The following ADAMTSL1 variants were observed in gnomAD, a reference collection of about 807,000 sequenced individuals.
The protein encoded by ADAMTSL1 is ADAMTS like 1.
ADAMTSL1 carries 126 observed loss-of-function variants against 201.8 expected under a neutral mutation model. That is an observed-to-expected ratio of 0.62 (90% CI 0.54 to 0.72). The LOEUF (loss-of-function observed/expected upper bound fraction) is 0.72, where lower values mean the gene tolerates loss of function less well. Among genes scored for constraint, ADAMTSL1 ranks in the 30% least tolerant of loss-of-function variants. ADAMTSL1 has a pLI of 0.00. For synonymous variants in ADAMTSL1, 1,121 were observed against 903.4 expected (o/e 1.24, Z -4.32); for missense variants, 2,679 against 2,277.8 (o/e 1.18, Z -3.59).
At chr9:17,974,141 A>G (rs2811813) in intron 1 of ADAMTSL1, among the ~76,000 whole-genome samples, 122,313 of 151,872 alleles carry the variant, frequency 0.81, 49,623 homozygotes, top group East Asian at 0.93. Flanking sequence ...CCAATATCAT[A>G]CTGAATGGGC....
At chr9:17,934,902 TAAAAAAAAAA>T (rs59536452) in intron 1 of ADAMTSL1, among the ~76,000 whole-genome samples, 4 of 143,716 alleles carry the variant, frequency 2.8e-5, no homozygotes, top group Non-Finnish European at 4.5e-5. Flanking sequence ...CTATTTCCTT[TAAAAAAAAAA>T]AAAAAAAAAC....
intron 13 of ADAMTSL1, among the ~76,000 whole-genome samples, chr9:18,696,263 C>T (rs991645965): frequency 6.6e-6 from 1 of 152,170 alleles, no homozygotes; most frequent in Non-Finnish European, 1.5e-5. Flanking sequence ...GGGAGTTATT[C>T]CAAACAAAGA....
chr9:18,671,655 G>A (rs1334780184), intron 9 of ADAMTSL1, among the ~76,000 whole-genome samples: 1 of 152,156 alleles, frequency 6.6e-6, no homozygotes. Context: ...CAGAAACGAA[G>A]ATTTGCAGTT....
intron 2 of ADAMTSL1, among the ~76,000 whole-genome samples, chr9:18,236,227 C>T (rs1015955660): frequency 1.3e-5 from 2 of 152,110 alleles, no homozygotes; most frequent in South Asian, 2.1e-4. Context: ...CCCACCACCA[C>T]GCCCGACTAA....
intron 3 of ADAMTSL1, among the ~76,000 whole-genome samples, chr9:18,544,940 T>C (rs1254157395): frequency 2.0e-5 from 3 of 152,090 alleles, no homozygotes; most frequent in Admixed American, 2.0e-4. Context: ...TTCCACAGGG[T>C]TGAAAATTAT....
At chr9:18,702,157 C>T (rs1036402029) in intron 13 of ADAMTSL1, among the ~76,000 whole-genome samples, 6 of 152,132 alleles carry the variant, frequency 3.9e-5, no homozygotes, top group African/African-American at 1.2e-4. Context: ...AGGAAAGACC[C>T]GCCCCCATGA....
rs144833750 is a variant in ADAMTSL1 at position 18,617,503 on chromosome 9, G to T, written c.475-4740G>T. Among the ~76,000 whole-genome samples the T allele has an allele frequency of 7.1e-3, 1,077 of 151,416 alleles. 10 individuals carry two copies. Among genetic ancestry groups the T allele is most frequent in the African/African-American group, 0.023 (962 of 41,252 alleles). On this transcript the variant is annotated intron_variant, in intron 4 of 28. Transcript: ENST00000380548. ...CCTAGTTTATTTTTTTTTTTGGCAG[G>T]GGGGAGGGGGCTGGGTCGGGGGGCA... is the stretch of plus-strand genomic sequence containing the variant.
At chr9:18,353,619 C>T (rs771364656) in intron 2 of ADAMTSL1, among the ~76,000 whole-genome samples, 8 of 152,100 alleles carry the variant, frequency 5.3e-5, no homozygotes, top group African/African-American at 1.9e-4. Context: ...CTGTAACTTA[C>T]CTGACTTTGG....
intron 1 of ADAMTSL1, among the ~76,000 whole-genome samples, chr9:17,936,682 A>G (rs1827022298): frequency 6.6e-6 from 1 of 152,148 alleles, no homozygotes; most frequent in South Asian, 2.1e-4. Flanking sequence ...CCACACAGGA[A>G]TACCAGAGGC....
At chr9:18,654,042 A>T (rs1828465084) in intron 7 of ADAMTSL1, among the ~76,000 whole-genome samples, 1 of 152,262 alleles carries the variant, frequency 6.6e-6, no homozygotes, top group African/African-American at 2.4e-5. Flanking sequence ...TGCCTTGCCA[A>T]CATGGCAAAA....
intron 1 of ADAMTSL1, among the ~76,000 whole-genome samples, chr9:17,989,874 A>T (rs542723237): frequency 2.9e-4 from 43 of 150,094 alleles, no homozygotes; most frequent in Non-Finnish European, 4.6e-4. Flanking sequence ...GTCTTCAAGT[A>T]TTCTAAGGGG....
chr9:18,067,849 G>A (rs1405857387), intron 1 of ADAMTSL1, among the ~76,000 whole-genome samples: 1 of 152,130 alleles, frequency 6.6e-6, no homozygotes, highest in Admixed American at 6.5e-5. Context: ...TGTTATTGAA[G>A]CATAAGAGGG....
intron 2 of ADAMTSL1, among the ~76,000 whole-genome samples, chr9:18,305,796 C>T (rs961050054): frequency 1.3e-5 from 2 of 152,318 alleles, no homozygotes; most frequent in South Asian, 4.1e-4. Context: ...CAGACTTGAA[C>T]GTTCCTGCCT....
intron 5 of ADAMTSL1, among the ~76,000 whole-genome samples, chr9:18,632,888 T>A (rs1185967054): frequency 6.6e-6 from 1 of 152,212 alleles, no homozygotes; most frequent in Admixed American, 6.5e-5. Flanking sequence ...AAATACTATT[T>A]CACCTGGTCT....
intron 2 of ADAMTSL1, among the ~76,000 whole-genome samples, chr9:18,283,354 C>T (rs1164024736): frequency 1.3e-5 from 2 of 151,866 alleles, no homozygotes; most frequent in Non-Finnish European, 2.9e-5. Flanking sequence ...ACTGTAATGC[C>T]AGCACTTTGG....
intron 1 of ADAMTSL1, among the ~76,000 whole-genome samples, chr9:18,488,523 G>T (rs185950671): frequency 5.8e-4 from 89 of 152,212 alleles, no homozygotes; most frequent in African/African-American, 2.1e-3. Context: ...AGACTGCCTG[G>T]ATTTCAACCC....
intron 2 of ADAMTSL1, among the ~76,000 whole-genome samples, chr9:18,517,244 C>T (rs1818410290): frequency 6.6e-6 from 1 of 152,016 alleles, no homozygotes; most frequent in Non-Finnish European, 1.5e-5. Flanking sequence ...GGCAGCAATC[C>T]CCCGGCCCCC....
intron 1 of ADAMTSL1, among the ~76,000 whole-genome samples, chr9:18,047,855 C>G (rs774876514): frequency 2.6e-5 from 4 of 152,200 alleles, no homozygotes; most frequent in Non-Finnish European, 4.4e-5. Flanking sequence ...AGTTTGTTGA[C>G]TTCCAGATGG....
intron 2 of ADAMTSL1, among the ~76,000 whole-genome samples, chr9:18,180,115 T>A (rs1040787236): frequency 9.2e-5 from 14 of 152,184 alleles, no homozygotes; most frequent in South Asian, 2.1e-4. Context: ...ATCACTGTGC[T>A]GTATTCAGGA....
Sources: gnomAD v4.1 joint callset for allele counts (sites outside exome capture counted in the v4.1 genomes callset) on GRCh38, gnomAD v4.1.1 for gene constraint, MANE v1.5 for transcripts, NCBI Gene and HGNC (gene_info 2026-07-23, HGNC 2026-07-21) for gene names.